Variants in TMEM117 observed in about 807,000 individuals in gnomAD.
TMEM117 encodes transmembrane protein 117.
Under a neutral mutation model 52.4 loss-of-function variants are expected in TMEM117, and 27 were observed. The observed-to-expected ratio is 0.51, with a 90% CI of 0.38 to 0.71. The LOEUF is 0.71. Ranked by LOEUF, TMEM117 falls within the 30% of genes least tolerant of loss-of-function variation. The pLI is 0.00. For missense variants in TMEM117, 556 were observed against 630.5 expected, an observed-to-expected ratio of 0.88 and a Z score of 1.26; for synonymous variants, 215 against 206.3, an observed-to-expected ratio of 1.04 and a Z score of -0.36.
intron 3 of TMEM117, among the ~76,000 whole-genome samples, chr12:44,039,502 T>G (rs1237736027): frequency 1.3e-5 from 2 of 151,736 alleles, no homozygotes; most frequent in African/African-American, 4.8e-5. Context: ...ATTTTGGAAT[T>G]AGATGATGAA....
chr12:44,318,765 A>G (rs1340521225), intron 6 of TMEM117, among the ~76,000 whole-genome samples: 1 of 152,098 alleles, frequency 6.6e-6, no homozygotes, highest in East Asian at 1.9e-4. Flanking sequence ...CTGCCTAGGC[A>G]TGGAGCAGAG....
the TMEM117 span, among the ~76,000 whole-genome samples, chr12:43,823,491 G>C: frequency 6.6e-6 from 1 of 152,080 alleles, no homozygotes; most frequent in Non-Finnish European, 1.5e-5. Flanking sequence ...TTGTGTGAGT[G>C]TAATTTCATT....
intron 2 of TMEM117, among the ~76,000 whole-genome samples, chr12:43,886,252 G>A (rs1943992255): frequency 6.6e-6 from 1 of 152,120 alleles, no homozygotes; most frequent in African/African-American, 2.4e-5. Context: ...ACATATAGAG[G>A]GCGGTGTACC....
rs115615247 is a variant in TMEM117 at position 43,918,087 on chromosome 12, C to T, written c.278-26123C>T. Among the ~76,000 whole-genome samples, 1,281 of 152,246 alleles carry T rather than the reference C, an allele frequency of 8.4e-3. 15 individuals carry two copies. The highest frequency in any genetic ancestry group is 0.029 in the African/African-American group (1,194 of 41,538). On this transcript the variant is annotated intron_variant, in intron 2 of 7. Transcript: ENST00000266534. ...ATCAAGGACATAGCCTGAGATGGAA[C>T]ATAACTGTCAGACACACACATTATT... is the stretch of plus-strand genomic sequence containing the variant.
chr12:43,821,099 T>TAA, the TMEM117 span, among the ~76,000 whole-genome samples: 27 of 112,368 alleles, frequency 2.4e-4, no homozygotes, highest in Admixed American at 3.7e-4. Context: ...CCTCTCACAT[T>TAA]AAAAAAAAAA....
intron 5 of TMEM117, among the ~76,000 whole-genome samples, chr12:44,229,342 T>C (rs925516690): frequency 6.6e-6 from 1 of 152,136 alleles, no homozygotes; most frequent in Non-Finnish European, 1.5e-5. Flanking sequence ...TTGAGATGCC[T>C]ATTAAACATC....
chr12:44,261,662 GT>G (rs1950322203), intron 5 of TMEM117, among the ~76,000 whole-genome samples: 1 of 152,204 alleles, frequency 6.6e-6, no homozygotes, highest in Non-Finnish European at 1.5e-5. Flanking sequence ...GTACGATGGT[GT>G]TGAATAATCC....
At chr12:44,150,516 CA>C (rs1047480671) in intron 4 of TMEM117, among the ~76,000 whole-genome samples, 23 of 151,078 alleles carry the variant, frequency 1.5e-4, no homozygotes, top group African/African-American at 5.1e-4. Context: ...CCACACTTGC[CA>C]AAAAAAATTA....
intron 7 of TMEM117, among the ~76,000 whole-genome samples, chr12:44,377,750 A>G (rs1203762631): frequency 6.6e-6 from 1 of 152,208 alleles, no homozygotes; most frequent in Non-Finnish European, 1.5e-5. Context: ...TGCTGAAGAA[A>G]TCTGTGCTTA....
At chr12:44,196,874 G>A (rs559557345) in intron 4 of TMEM117, among the ~76,000 whole-genome samples, 5 of 152,278 alleles carry the variant, frequency 3.3e-5, no homozygotes, top group Admixed American at 6.5e-5. Flanking sequence ...TCTGAAAATG[G>A]TTATGGTTAT....
intron 2 of TMEM117, among the ~76,000 whole-genome samples, chr12:43,854,466 C>A (rs11182299): frequency 0.033 from 5,025 of 150,484 alleles, 198 homozygotes; most frequent in African/African-American, 0.087. Flanking sequence ...AAAAAAAAGT[C>A]CATAGTGGAA....
chr12:43,991,987 C>T (rs1945950109), intron 3 of TMEM117, among the ~76,000 whole-genome samples: 1 of 151,986 alleles, frequency 6.6e-6, no homozygotes, highest in African/African-American at 2.4e-5. Flanking sequence ...TGGTGAAACC[C>T]CATCTCTACC....
At chr12:44,054,375 C>CT (rs1947019013) in intron 3 of TMEM117, among the ~76,000 whole-genome samples, 1 of 152,038 alleles carries the variant, frequency 6.6e-6, no homozygotes, top group Admixed American at 6.6e-5. Context: ...AAAGGCTGCT[C>CT]TTTTTTATAA....
intron 4 of TMEM117, among the ~76,000 whole-genome samples, chr12:44,148,724 T>C (rs1181415926): frequency 6.6e-6 from 1 of 152,184 alleles, no homozygotes; most frequent in Non-Finnish European, 1.5e-5. Context: ...GGAGTTACAA[T>C]GTCAATCATA....
chr12:44,284,989 T>C (rs1950620950), intron 5 of TMEM117, among the ~76,000 whole-genome samples: 1 of 152,234 alleles, frequency 6.6e-6, no homozygotes. Flanking sequence ...ATAAATACAA[T>C]TATTTCAATC....
At chr12:44,395,043 T>C in the TMEM117 span, among the ~76,000 whole-genome samples, 1 of 152,204 alleles carries the variant, frequency 6.6e-6, no homozygotes, top group Non-Finnish European at 1.5e-5. Flanking sequence ...CACTAGAAAA[T>C]ATCTGCATTT....
At chr12:44,229,164 T>C (rs1949902321) in intron 5 of TMEM117, among the ~76,000 whole-genome samples, 1 of 152,004 alleles carries the variant, frequency 6.6e-6, no homozygotes, top group African/African-American at 2.4e-5. Context: ...ATGGAAAAAC[T>C]GGTGGAGGAG....
intron 7 of TMEM117, among the ~76,000 whole-genome samples, chr12:44,386,530 T>G (rs541145516): frequency 6.6e-6 from 1 of 152,272 alleles, no homozygotes; most frequent in East Asian, 1.9e-4. Context: ...GTAAGCTCTC[T>G]TCATAGAGGA....
At position 44,341,540 on chromosome 12, in the gene TMEM117, C is replaced by T. The variant is rs186645710; in HGVS notation, c.769-35055C>T. 4.6e-5 allele frequency among the ~76,000 whole-genome samples: 7 copies of T among 152,182 alleles called. No homozygotes were observed. The South Asian group carries it at 8.3e-4, about 18-fold the overall frequency. ...ATGGACTGTTCAGTTGATTCTGTAT[C>T]TTTGTTATTGTGAATAGTGCTGCAA... On this transcript the variant is annotated intron_variant, in intron 6 of 7. Transcript: ENST00000266534.
Sources: gnomAD v4.1 joint callset for allele counts (sites outside exome capture counted in the v4.1 genomes callset) on GRCh38, gnomAD v4.1.1 for gene constraint, MANE v1.5 for transcripts, NCBI Gene and HGNC (gene_info 2026-07-23, HGNC 2026-07-21) for gene names.